ITGAV: variants seen among roughly 807,000 people sequenced by gnomAD.
ITGAV encodes the protein integrin alpha-V.
In ITGAV, 76 loss-of-function variants were observed where a neutral mutation model predicts 143.8. That is an observed-to-expected ratio of 0.53 (90% CI 0.44 to 0.64). The LOEUF (loss-of-function observed/expected upper bound fraction) is 0.64, where lower values mean the gene tolerates loss of function less well. ITGAV is among the 30% of genes least tolerant of loss of function. The pLI is 0.00. For missense variants in ITGAV, 1,193 were observed against 1,274.7 expected, an observed-to-expected ratio of 0.94 and a Z score of 0.98; for synonymous variants, 453 against 446.7, an observed-to-expected ratio of 1.01 and a Z score of -0.18.
chr2:186,629,246 C>T (rs1031081548), intron 4 of ITGAV, among the ~76,000 whole-genome samples: 5 of 151,972 alleles, frequency 3.3e-5, no homozygotes, highest in Admixed American at 2.0e-4. Flanking sequence ...TTGGCAAAAG[C>T]ACTCAGTTTA....
chr2:186,676,205 A>G (rs1372757623), intron 28 of ITGAV: 2 of 265,026 alleles, frequency 7.5e-6, no homozygotes, highest in African/African-American at 2.2e-5. Flanking sequence ...TTCGTTTACA[A>G]AGTTAGAAAG....
At chr2:186,639,266 G>GA (rs1374868456) in intron 10 of ITGAV, among the ~76,000 whole-genome samples, 1 of 152,174 alleles carries the variant, frequency 6.6e-6, no homozygotes, top group Non-Finnish European at 1.5e-5. Context: ...AGTAGGTAGA[G>GA]AAAAATCTTT....
At chr2:186,636,313 A>AT in intron 7 of ITGAV, 106 bp downstream of exon 7, 2 of 892,962 alleles carry the variant, frequency 2.2e-6, no homozygotes, top group Non-Finnish European at 3.4e-6. Flanking sequence ...ATAGATTAGG[A>AT]TTTTTTGAAA....
At chr2:186,611,554 G>T (rs369297116) in intron 2 of ITGAV, among the ~76,000 whole-genome samples, 1 of 152,076 alleles carries the variant, frequency 6.6e-6, no homozygotes, top group African/African-American at 2.4e-5. Flanking sequence ...GCTGAGGCAA[G>T]AACCATGCTT....
At chr2:186,651,720 T>C (rs1342453283) in intron 14 of ITGAV, among the ~76,000 whole-genome samples, 2 of 152,206 alleles carry the variant, frequency 1.3e-5, no homozygotes, top group East Asian at 3.9e-4. Context: ...TGAATTCATA[T>C]AGGCCAGCCA....
At chr2:186,650,766 T>C (rs374926419) in intron 14 of ITGAV, among the ~76,000 whole-genome samples, 1 of 151,956 alleles carries the variant, frequency 6.6e-6, no homozygotes, top group Admixed American at 6.6e-5. Context: ...TCTGGGCTGG[T>C]CTTGAGCTCC....
chr2:186,600,514 A>G lies in ITGAV; in HGVS notation c.186-1507A>G, dbSNP rs1056952315. 8.3e-6 allele frequency: 10 copies of G among 1,209,250 alleles called. No individual in the cohort carries two copies. In the African/African-American group the frequency reaches 1.5e-4, roughly 18 times the overall value. 74.9% of individuals were successfully genotyped at this position (1,209,250 alleles called of 1,614,324 possible). On this transcript the variant is annotated intron_variant, in intron 1 of 29. Coordinates refer to ENST00000261023, the MANE Select transcript of ITGAV (RefSeq NM_002210.5). ...AATCTTTCCCCTCTCATCCTTAGAG[A>G]TAACTGCTCTGTCTAAAGAAGGTCT...
In ITGAV at chr2:186,674,851, G is replaced by A. The variant is rs77039181; in HGVS notation, c.2707-753G>A. 3.1e-3 allele frequency among the ~76,000 whole-genome samples: 477 copies of A among 152,138 alleles called. 4 individuals carry two copies. Among genetic ancestry groups the A allele is most frequent in the African/African-American group, 0.011 (438 of 41,502 alleles). On this transcript the variant is annotated intron_variant, in intron 26 of 29. Transcript: ENST00000261023. ...CTAATTGCACTGGCTAGAACCTTCCGTACAATATTGAGTAGAAATGGCTTG... is the reference window on the plus strand; with the variant it reads ...CTAATTGCACTGGCTAGAACCTTCCATACAATATTGAGTAGAAATGGCTTG...
chr2:186,627,771 T>C (rs933125993), intron 4 of ITGAV, among the ~76,000 whole-genome samples: 2 of 152,142 alleles, frequency 1.3e-5, no homozygotes, highest in Non-Finnish European at 2.9e-5. Context: ...TGTTCGGCTT[T>C]TTACAGAAAA....
intron 2 of ITGAV, among the ~76,000 whole-genome samples, chr2:186,610,930 G>A (rs778804825): frequency 3.9e-5 from 6 of 152,108 alleles, no homozygotes; most frequent in Non-Finnish European, 7.4e-5. Context: ...GGCTGCATTC[G>A]TTTCCTGTTG....
At position 186,649,880 on chromosome 2, in the gene ITGAV, A is replaced by T; in HGVS notation, c.1392A>T (p.Leu464Phe). Reference sequence around the variant, plus strand: ...CTTTTGGTGTAGATCGAGCTATCTTATACAGGTGAGCATTTTCTGTATCCT... The same window carrying T: ...CTTTTGGTGTAGATCGAGCTATCTTTTACAGGTGAGCATTTTCTGTATCCT... ...VGAFGVDRAI[L>F]YRARPVITVN... Residue 464 changes from leucine (L) to phenylalanine (F), a missense_variant, in exon 14 of 30, where the codon TTA becomes TTT. Coordinates refer to ENST00000261023, the MANE Select transcript of ITGAV (RefSeq NM_002210.5). 6.8e-7 allele frequency: 1 copy of T among 1,467,750 alleles called. No homozygotes were observed. 90.9% of individuals were successfully genotyped at this position (1,467,750 alleles called of 1,614,324 possible).
Position 186,649,888 on chromosome 2 carries a change from G to GTTTTC in ITGAV, c.1397+3_1397+4insTTTTC. 7.0e-7 allele frequency: 1 copy of GTTTTC among 1,427,122 alleles called. No individual in the cohort carries two copies. The allele number at this position is 1,427,122 out of a possible 1,614,324, so 88.4% of individuals were successfully genotyped here. A position where few individuals can be genotyped will look rare whatever the true frequency, so the allele number is the denominator to read the frequency against. ...GTAGATCGAGCTATCTTATACAGGT[G>GTTTTC]AGCATTTTCTGTATCCTGCGGTATA... On this transcript the variant is annotated splice_donor_region_variant and intron_variant, in intron 14 of 29. Coordinates refer to ENST00000261023, the MANE Select transcript of ITGAV (RefSeq NM_002210.5).
chr2:186,595,412 G>C (rs1411645030), intron 1 of ITGAV, among the ~76,000 whole-genome samples: 1 of 152,160 alleles, frequency 6.6e-6, no homozygotes, highest in African/African-American at 2.4e-5. Context: ...TGCATCCAAA[G>C]GCCATCCTCC....
intron 2 of ITGAV, among the ~76,000 whole-genome samples, chr2:186,621,553 A>ATT (rs1042068008): frequency 1.1e-4 from 17 of 152,210 alleles, no homozygotes; most frequent in African/African-American, 3.6e-4. Context: ...TGGACATAAA[A>ATT]TTCAATCAAA....
At chr2:186,602,270 G>A in intron 2 of ITGAV, 119 bp downstream of exon 2, 1 of 663,228 alleles carries the variant, frequency 1.5e-6, no homozygotes, top group Admixed American at 3.5e-5. Flanking sequence ...CAGCTTCACA[G>A]GGAAAATTAT....
Position 186,635,291 on chromosome 2 carries a change from T to A in ITGAV, c.632-791T>A, listed in dbSNP as rs544089779. On this transcript the variant is annotated intron_variant, in intron 6 of 29. Transcript: ENST00000261023. ...AATGGAGAAAAGAATAATGTTTTAT[T>A]CAGAAGAAATAATGAATTTTCCTCT... Among the ~76,000 whole-genome samples, 45 of 152,298 alleles carry A rather than the reference T, an allele frequency of 3.0e-4. No individual in the cohort carries two copies. In the South Asian group the frequency reaches 8.9e-3, roughly 30 times the overall value.
chr2:186,590,618 C>A, intron 1 of ITGAV, 95 bp downstream of exon 1: 1 of 1,167,486 alleles, frequency 8.6e-7, no homozygotes, highest in South Asian at 1.6e-5. Flanking sequence ...CGAGAGATCC[C>A]GGCGTCTGTC....
intron 1 of ITGAV, among the ~76,000 whole-genome samples, chr2:186,598,260 T>C (rs1035524593): frequency 2.0e-5 from 3 of 148,498 alleles, no homozygotes; most frequent in African/African-American, 7.5e-5. Context: ...AGAAAAAAAA[T>C]TGTATATGTA....
intron 2 of ITGAV, among the ~76,000 whole-genome samples, chr2:186,603,408 A>G (rs1176843902): frequency 6.6e-6 from 1 of 152,178 alleles, no homozygotes; most frequent in African/African-American, 2.4e-5. Flanking sequence ...ATTGTTAGTC[A>G]TTAAGCCAGC....
Sources: gnomAD v4.1 joint callset for allele counts (sites outside exome capture counted in the v4.1 genomes callset) on GRCh38, gnomAD v4.1.1 for gene constraint, MANE v1.5 for transcripts, NCBI Gene and HGNC (gene_info 2026-07-23, HGNC 2026-07-21) for gene names.